Variants in GPC5 observed in about 807,000 individuals in gnomAD.
The protein encoded by GPC5 is glypican 5, also known as glypican-5.
A neutral mutation model predicts 53.9 loss-of-function variants in GPC5; 47 were observed. The ratio of observed to expected loss-of-function variants is 0.87; its 90% CI spans 0.69 to 1.11. The LOEUF (loss-of-function observed/expected upper bound fraction) is 1.11. GPC5 is among the 50% of genes most tolerant of loss of function. The pLI is 0.00. For missense variants in GPC5, 748 were observed against 713.1 expected (o/e 1.05, Z -0.56); for synonymous variants, 286 against 263.3 (o/e 1.09, Z -0.84).
rs9560895 is a variant in GPC5, at chr13:91,998,565, C to T, written c.1401+90508C>T. On this transcript the variant is annotated intron_variant, in intron 6 of 7. Coordinates refer to ENST00000377067, the MANE Select transcript of GPC5 (RefSeq NM_004466.6). ...ATCCCAACCTCCACACCAGTTTTCACCATAGAACCACCTGTTATTATAGAT... is the reference window on the plus strand; with the variant it reads ...ATCCCAACCTCCACACCAGTTTTCATCATAGAACCACCTGTTATTATAGAT... Among the ~76,000 whole-genome samples the T allele has an allele frequency of 3.5e-3, 533 of 152,070 alleles. 4 individuals are homozygous for T. Among genetic ancestry groups the T allele is most frequent in the African/African-American group, 0.012 (515 of 41,500 alleles).
At chr13:91,894,843 G>C (rs1449463335) in intron 5 of GPC5, among the ~76,000 whole-genome samples, 1 of 152,088 alleles carries the variant, frequency 6.6e-6, no homozygotes, top group East Asian at 1.9e-4. Flanking sequence ...AATTAGGCAT[G>C]CAAAAATAAC....
At chr13:92,593,619 G>A (rs1017908607) in intron 7 of GPC5, among the ~76,000 whole-genome samples, 2 of 151,330 alleles carry the variant, frequency 1.3e-5, no homozygotes, top group African/African-American at 4.9e-5. Flanking sequence ...TTTAGAATGG[G>A]AAGAGAAGAT....
At chr13:92,515,963 G>T (rs111398603) in intron 7 of GPC5, among the ~76,000 whole-genome samples, 1 of 152,080 alleles carries the variant, frequency 6.6e-6, no homozygotes, top group East Asian at 1.9e-4. Flanking sequence ...GCACTTAAGC[G>T]TAAAAGTAGC....
At chr13:91,917,885 C>T (rs926302237) in intron 6 of GPC5, among the ~76,000 whole-genome samples, 1 of 152,164 alleles carries the variant, frequency 6.6e-6, no homozygotes, top group Non-Finnish European at 1.5e-5. Flanking sequence ...CTTCTGAGCC[C>T]TCCAAACTGT....
At chr13:92,669,803 G>C (rs1415136160) in intron 7 of GPC5, among the ~76,000 whole-genome samples, 1 of 152,176 alleles carries the variant, frequency 6.6e-6, no homozygotes, top group East Asian at 1.9e-4. Context: ...TTGCACACAA[G>C]GCACCTACTC....
At chr13:91,923,227 T>G (rs1176927077) in intron 6 of GPC5, among the ~76,000 whole-genome samples, 1 of 152,208 alleles carries the variant, frequency 6.6e-6, no homozygotes, top group African/African-American at 2.4e-5. Context: ...TGCAGGTACA[T>G]ATGAGTCCAT....
chr13:92,064,621 T>TGG (rs376666582), intron 6 of GPC5, among the ~76,000 whole-genome samples: 6 of 150,840 alleles, frequency 4.0e-5, no homozygotes, highest in African/African-American at 1.5e-4. Context: ...CTAGGCGTGG[T>TGG]GGGGGGGCGC....
intron 7 of GPC5, among the ~76,000 whole-genome samples, chr13:92,666,224 A>AT (rs942330228): frequency 6.6e-6 from 1 of 152,094 alleles, no homozygotes; most frequent in Non-Finnish European, 1.5e-5. Flanking sequence ...TTAACAATGG[A>AT]TTTTTTTCCC....
At chr13:92,260,051 CCT>C (rs2042755202) in intron 7 of GPC5, among the ~76,000 whole-genome samples, 2 of 152,244 alleles carry the variant, frequency 1.3e-5, no homozygotes, top group South Asian at 4.2e-4. Flanking sequence ...ACTGCTTATT[CCT>C]CTCTGTTTCA....
chr13:92,193,615 AT>A (rs1323716618), intron 7 of GPC5, among the ~76,000 whole-genome samples: 14 of 152,158 alleles, frequency 9.2e-5, no homozygotes. Flanking sequence ...AACTTAAACC[AT>A]TTTCCTATCA....
chr13:92,363,407 G>A (rs2043584209), intron 7 of GPC5, among the ~76,000 whole-genome samples: 1 of 151,592 alleles, frequency 6.6e-6, no homozygotes. Context: ...GGGAGGGATG[G>A]TTTCAGGATG....
chr13:92,573,620 A>G (rs1883102331), intron 7 of GPC5, among the ~76,000 whole-genome samples: 1 of 152,132 alleles, frequency 6.6e-6, no homozygotes. Flanking sequence ...AGAGGGCGAT[A>G]TAGTGACATT....
At chr13:92,448,031 G>A (rs1440946037) in intron 7 of GPC5, 1 of 151,960 alleles carries the variant, frequency 6.6e-6, no homozygotes, top group Non-Finnish European at 1.5e-5. Context: ...AGCAGCTATC[G>A]AACAGCAATT....
intron 6 of GPC5, among the ~76,000 whole-genome samples, chr13:92,096,928 C>A (rs1409501): frequency 0.038 from 5,791 of 152,172 alleles, 373 homozygotes; most frequent in African/African-American, 0.13. Flanking sequence ...CATAATAAAC[C>A]TAGATGGTCT....
At chr13:92,596,920 C>T (rs1412746935) in intron 7 of GPC5, among the ~76,000 whole-genome samples, 1 of 152,172 alleles carries the variant, frequency 6.6e-6, no homozygotes. Context: ...CACAGATTTT[C>T]TACCTTATTT....
intron 7 of GPC5, among the ~76,000 whole-genome samples, chr13:92,578,681 A>C (rs574424759): frequency 5.3e-5 from 8 of 152,302 alleles, no homozygotes; most frequent in Non-Finnish European, 8.8e-5. Context: ...GTAAGGGCAG[A>C]TCATCTTCAC....
At chr13:91,692,651 T>G (rs547594809) in intron 2 of GPC5, among the ~76,000 whole-genome samples, 9 of 152,308 alleles carry the variant, frequency 5.9e-5, no homozygotes, top group African/African-American at 2.2e-4. Flanking sequence ...TTTCATTACT[T>G]TTTTAATTTT....
chr13:92,834,046 G>A (rs1406607827), intron 7 of GPC5, among the ~76,000 whole-genome samples: 2 of 152,098 alleles, frequency 1.3e-5, no homozygotes, highest in Non-Finnish European at 2.9e-5. Flanking sequence ...CACCAATAAT[G>A]GTCTGGATTA....
chr13:91,751,930 A>G (rs890078452), intron 4 of GPC5, among the ~76,000 whole-genome samples: 1 of 152,230 alleles, frequency 6.6e-6, no homozygotes, highest in Non-Finnish European at 1.5e-5. Context: ...TAGGGCTGTC[A>G]TAACAAAATA....
Sources: gnomAD v4.1 joint callset for allele counts (sites outside exome capture counted in the v4.1 genomes callset) on GRCh38, gnomAD v4.1.1 for gene constraint, MANE v1.5 for transcripts, NCBI Gene and HGNC (gene_info 2026-07-23, HGNC 2026-07-21) for gene names.